Variants in SLMAP observed in about 807,000 individuals in gnomAD.
The protein encoded by SLMAP is sarcolemmal membrane-associated protein.
Under a neutral mutation model 128.8 loss-of-function variants are expected in SLMAP, and 44 were observed. The ratio of observed to expected loss-of-function variants is 0.34; its 90% CI spans 0.27 to 0.44. The LOEUF (loss-of-function observed/expected upper bound fraction) is 0.44, where lower values mean the gene tolerates loss of function less well. Ranked by LOEUF, SLMAP falls within the 20% of genes least tolerant of loss-of-function variation. The probability of loss-of-function intolerance (pLI) is 1.00; values close to 1 mark genes in which losing one functional copy is unlikely to be tolerated. For missense variants in SLMAP, 787 were observed against 985.3 expected (o/e 0.80, Z 2.69); for synonymous variants, 327 against 348.8 (o/e 0.94, Z 0.70).
intron 2 of SLMAP, among the ~76,000 whole-genome samples, chr3:57,775,803 G>C (rs2081810216): frequency 6.6e-6 from 1 of 152,094 alleles, no homozygotes; most frequent in Admixed American, 6.5e-5. Context: ...GGGTTCAAGT[G>C]ATCTATTGCC....
At position 57,790,061 on chromosome 3, in the gene SLMAP, C is replaced by G. The variant is rs183821972; in HGVS notation, c.198+32212C>G. Among the ~76,000 whole-genome samples the G allele has an allele frequency of 2.0e-5, 3 of 152,020 alleles. No homozygotes were observed. The East Asian group carries it at 5.8e-4, about 30-fold the overall frequency. On this transcript the variant is annotated intron_variant, in intron 2 of 24. Coordinates refer to ENST00000671191, the MANE Select transcript of SLMAP (RefSeq NM_001377540.1). Reference sequence around the variant, plus strand: ...CATGTTGGCCACGCTGGTCTTGAACCCCTGACCTTAGGTGATCCACCTGCC... The same window carrying G: ...CATGTTGGCCACGCTGGTCTTGAACGCCTGACCTTAGGTGATCCACCTGCC...
chr3:57,853,893 A>G (rs1277715283), intron 6 of SLMAP, among the ~76,000 whole-genome samples: 1 of 141,988 alleles, frequency 7.0e-6, no homozygotes, highest in East Asian at 2.1e-4. Context: ...GTGAGCCGAG[A>G]TCATGCCACT....
intron 22 of SLMAP, among the ~76,000 whole-genome samples, chr3:57,919,718 C>T (rs1223683595): frequency 6.6e-6 from 1 of 151,922 alleles, no homozygotes; most frequent in African/African-American, 2.4e-5. Flanking sequence ...CGCTTTGAAC[C>T]CGGGAAGTGG....
chr3:57,804,017 A>G (rs2089233296), intron 2 of SLMAP, among the ~76,000 whole-genome samples: 1 of 152,166 alleles, frequency 6.6e-6, no homozygotes, highest in African/African-American at 2.4e-5. Flanking sequence ...GTGGGACCAA[A>G]TATCTGTGAA....
At chr3:57,809,200 A>C (rs1465349851) in intron 2 of SLMAP, among the ~76,000 whole-genome samples, 1 of 152,082 alleles carries the variant, frequency 6.6e-6, no homozygotes, top group Non-Finnish European at 1.5e-5. Context: ...GCAGCCACAC[A>C]AACTGTGGCT....
intron 2 of SLMAP, 146 bp from the exon 3 acceptor site, chr3:57,831,237 A>G (rs897665253): frequency 4.2e-6 from 2 of 479,512 alleles, no homozygotes; most frequent in African/African-American, 4.0e-5. Context: ...TTAAAGGAGA[A>G]CCTTAGCTGA....
intron 2 of SLMAP, chr3:57,800,448 C>T (rs968285097): frequency 2.0e-5 from 3 of 152,302 alleles, no homozygotes; most frequent in African/African-American, 7.2e-5. Flanking sequence ...TTGTGAGCCA[C>T]CCTGCCCGGC....
chr3:57,862,530 T>C (rs2095127302), intron 10 of SLMAP, among the ~76,000 whole-genome samples: 1 of 148,464 alleles, frequency 6.7e-6, no homozygotes, highest in Non-Finnish European at 1.5e-5. Flanking sequence ...CCCAGCTCCT[T>C]GGGAGTCTAA....
intron 14 of SLMAP, among the ~76,000 whole-genome samples, chr3:57,874,795 G>T (rs993381622): frequency 6.6e-6 from 1 of 151,316 alleles, no homozygotes; most frequent in African/African-American, 2.4e-5. Flanking sequence ...GGAGATAGAG[G>T]TTGCAGTGAG....
At chr3:57,912,202 G>C (rs1279622934) in intron 19 of SLMAP, 179 bp from the exon 20 acceptor site, 2 of 527,394 alleles carry the variant, frequency 3.8e-6, no homozygotes, top group African/African-American at 3.8e-5. Context: ...AGATCACTTT[G>C]GTTTTTTTTT....
chr3:57,905,974 A>G (rs759633621), intron 17 of SLMAP, among the ~76,000 whole-genome samples: 98 of 151,460 alleles, frequency 6.5e-4, no homozygotes, highest in Non-Finnish European at 1.3e-3. Flanking sequence ...TACTCAAGGA[A>G]TTAATGTCGA....
At chr3:57,822,671 C>T (rs926061021) in intron 2 of SLMAP, among the ~76,000 whole-genome samples, 1 of 152,108 alleles carries the variant, frequency 6.6e-6, no homozygotes, top group Non-Finnish European at 1.5e-5. Context: ...TTGCTGGTCC[C>T]CAGGTGGGCG....
chr3:57,836,631 C>T (rs2093654183), intron 3 of SLMAP, among the ~76,000 whole-genome samples: 1 of 152,152 alleles, frequency 6.6e-6, no homozygotes, highest in Admixed American at 6.5e-5. Flanking sequence ...AGCCACTGGA[C>T]CCCACCAACA....
chr3:57,776,478 A>G (rs549658709), intron 2 of SLMAP, among the ~76,000 whole-genome samples: 3 of 145,198 alleles, frequency 2.1e-5, no homozygotes, highest in East Asian at 2.0e-4. Context: ...AATTTTACCA[A>G]TTTCCACAAT....
intron 17 of SLMAP, chr3:57,897,956 TAAG>T: frequency 6.6e-6 from 1 of 152,298 alleles, no homozygotes; most frequent in Middle Eastern, 3.4e-3. Context: ...ACATATGTTG[TAAG>T]TTCAGCCCAG....
At chr3:57,857,876 A>G (rs1430375913) in intron 7 of SLMAP, 48 bp downstream of exon 7, 3 of 1,246,316 alleles carry the variant, frequency 2.4e-6, no homozygotes, top group Admixed American at 1.8e-5. Flanking sequence ...ATAGTTTAAT[A>G]TTCCATACAT....
intron 5 of SLMAP, 94 bp from the exon 6 acceptor site, chr3:57,849,660 G>T: frequency 1.4e-6 from 1 of 721,622 alleles, no homozygotes. Context: ...CAGTTATTTT[G>T]CATATTTAAG....
At chr3:57,912,954 A>T (rs536014168) in intron 20 of SLMAP, among the ~76,000 whole-genome samples, 103 of 152,324 alleles carry the variant, frequency 6.8e-4, no homozygotes, top group African/African-American at 2.4e-3. Flanking sequence ...AGTGGAAAAA[A>T]ATACTATTGT....
chr3:57,927,331 G>A lies in SLMAP; in HGVS notation c.*42G>A. 1 of 1,607,944 alleles carries A rather than the reference G, an allele frequency of 6.2e-7. No homozygotes were observed. The highest frequency in any genetic ancestry group is 8.5e-7 in the Non-Finnish European group (1 of 1,175,942). On this transcript the variant is annotated 3_prime_UTR_variant, in exon 25 of 25. Coordinates refer to ENST00000671191, the MANE Select transcript of SLMAP (RefSeq NM_001377540.1). ...CCTGGATGCCCATGTTGGCTGCCCT[G>A]GTTGCAGTAACAGCCATCGTGCTGT...
Sources: allele counts gnomAD v4.1 joint callset (sites outside exome capture counted in the v4.1 genomes callset), GRCh38; gene constraint gnomAD v4.1.1; transcripts MANE v1.5; gene names NCBI Gene and HGNC (gene_info 2026-07-23, HGNC 2026-07-21).